CHEK2: variants seen among roughly 807,000 people sequenced by gnomAD.
CHEK2 encodes serine/threonine-protein kinase Chk2.
In CHEK2, 71 loss-of-function variants were observed where a neutral mutation model predicts 69.1. The observed-to-expected ratio is 1.03, with a 90% CI of 0.85 to 1.25. CHEK2 has a LOEUF of 1.25. Among genes scored for constraint, CHEK2 ranks in the 50% most tolerant of loss-of-function variants. CHEK2 has a pLI of 0.00. For missense variants in CHEK2, 664 were observed against 649.6 expected, an observed-to-expected ratio of 1.02 and a Z score of -0.24; for synonymous variants, 189 against 226.9, an observed-to-expected ratio of 0.83 and a Z score of 1.50.
At position 28,741,806 on chromosome 22, in the gene CHEK2, C is replaced by G. The variant is rs886057330; in HGVS notation, c.-44G>C. The G allele has an allele frequency of 1.9e-5, 10 of 519,990 alleles. No individual in the cohort carries two copies. The highest frequency in any genetic ancestry group is 1.9e-4 in the African/African-American group (10 of 52,304). The allele number at this position is 519,990 out of a possible 1,614,324, so 32.2% of individuals were successfully genotyped here. Reference sequence around the variant, plus strand: ...CCTGGAGCCGCACACTCTCCGCAGCCTCAGCCAGCAGAGTGGCGCTAAACC... The same window carrying G: ...CCTGGAGCCGCACACTCTCCGCAGCGTCAGCCAGCAGAGTGGCGCTAAACC... On this transcript the variant is annotated 5_prime_UTR_variant, in exon 1 of 15. Coordinates refer to ENST00000404276, the MANE Select transcript of CHEK2 (RefSeq NM_007194.4).
At position 28,695,602 on chromosome 22, in the gene CHEK2, G is replaced by A. The variant is rs555437811; in HGVS notation, c.1259+108C>T. On this transcript the variant is annotated intron_variant, in intron 11 of 14. Transcript: ENST00000404276. Reference sequence around the variant, plus strand: ...ACCCAGGAGGCAGAGGCTACAGTTAGCCAAGATCAAGCCACTGCATGCCAG... The same window carrying A: ...ACCCAGGAGGCAGAGGCTACAGTTAACCAAGATCAAGCCACTGCATGCCAG... 16 of 918,124 alleles carry A rather than the reference G, an allele frequency of 1.7e-5. No individual in the cohort carries two copies. In the South Asian group the frequency reaches 2.1e-4, roughly 12 times the overall value. The allele number at this position is 918,124 out of a possible 1,614,324, so 56.9% of individuals were successfully genotyped here.
intron 7 of CHEK2, among the ~76,000 whole-genome samples, chr22:28,705,827 G>A (rs1054209467): frequency 2.0e-5 from 3 of 151,990 alleles, no homozygotes; most frequent in Non-Finnish European, 4.4e-5. Context: ...TTGGGAGGCT[G>A]AGACAGGAGA....
At chr22:28,734,273 T>G (rs2054304400) in intron 2 of CHEK2, 130 bp downstream of exon 2, 2 of 800,436 alleles carry the variant, frequency 2.5e-6, no homozygotes, top group Non-Finnish European at 4.2e-6. Context: ...TGTTCATGCA[T>G]GATGTTCAAT....
chr22:28,723,938 AAAAG>A (rs1217214900), intron 4 of CHEK2, among the ~76,000 whole-genome samples: 17 of 152,182 alleles, frequency 1.1e-4, no homozygotes, highest in East Asian at 3.9e-4. Flanking sequence ...CATGTCTCGA[AAAAG>A]AAAGAAAGAA....
intron 2 of CHEK2, chr22:28,730,559 T>C (rs1295211228): frequency 1.5e-5 from 10 of 686,894 alleles, no homozygotes; most frequent in Non-Finnish European, 2.1e-5. Flanking sequence ...CTACAAAAAA[T>C]AAAAATAAAA....
At chr22:28,691,150 CAG>C (rs1435403955) in intron 13 of CHEK2, among the ~76,000 whole-genome samples, 1 of 152,024 alleles carries the variant, frequency 6.6e-6, no homozygotes, top group African/African-American at 2.4e-5. Context: ...TGAAGCCAAA[CAG>C]AGTGGTCACA....
intron 7 of CHEK2, among the ~76,000 whole-genome samples, chr22:28,706,156 C>T (rs1176189906): frequency 6.6e-6 from 1 of 151,854 alleles, no homozygotes; most frequent in Admixed American, 6.6e-5. Flanking sequence ...TCTGAATTAG[C>T]TGAGTGTGGT....
Position 28,717,885 on chromosome 22 carries a change from G to A in CHEK2, c.683+1510C>T, listed in dbSNP as rs550504769. On this transcript the variant is annotated intron_variant, in intron 5 of 14. Coordinates refer to ENST00000404276, the MANE Select transcript of CHEK2 (RefSeq NM_007194.4). Reference sequence around the variant, plus strand: ...AACAAGAGACCACACCATTGCCTGGGCAACAAGAACAAAACTCCATCTCAA... The same window carrying A: ...AACAAGAGACCACACCATTGCCTGGACAACAAGAACAAAACTCCATCTCAA... 4.6e-5 allele frequency among the ~76,000 whole-genome samples: 7 copies of A among 152,036 alleles called. No homozygotes were observed. In the East Asian group the frequency reaches 1.2e-3, roughly 25 times the overall value.
intron 9 of CHEK2, among the ~76,000 whole-genome samples, chr22:28,697,801 C>G (rs1306012882): frequency 6.6e-6 from 1 of 152,074 alleles, no homozygotes; most frequent in Admixed American, 6.6e-5. Flanking sequence ...GTCTGGAACT[C>G]TTGGGCTAAA....
intron 13 of CHEK2, among the ~76,000 whole-genome samples, chr22:28,690,957 G>A (rs866337690): frequency 6.6e-6 from 1 of 151,980 alleles, no homozygotes. Flanking sequence ...CACTTTGGGA[G>A]GCCAAGGCAG....
At chr22:28,695,944 T>G in intron 10 of CHEK2, 71 bp from the exon 11 acceptor site, 1 of 1,259,026 alleles carries the variant, frequency 7.9e-7, no homozygotes, top group Non-Finnish European at 1.2e-6. Flanking sequence ...AGTCTGCCAG[T>G]CCAAGAAGAC....
chr22:28,710,884 C>T (rs1270784578), intron 6 of CHEK2, among the ~76,000 whole-genome samples: 3 of 152,108 alleles, frequency 2.0e-5, no homozygotes, highest in Non-Finnish European at 4.4e-5. Flanking sequence ...GAAATCAAAA[C>T]GTAAAATTTT....
At chr22:28,693,517 A>G (rs2052443927) in intron 13 of CHEK2, among the ~76,000 whole-genome samples, 1 of 152,182 alleles carries the variant, frequency 6.6e-6, no homozygotes, top group Admixed American at 6.5e-5. Flanking sequence ...TATGAAGAGC[A>G]GTGGACATGG....
chr22:28,722,457 G>T (rs1851949550), intron 4 of CHEK2, among the ~76,000 whole-genome samples: 1 of 149,598 alleles, frequency 6.7e-6, no homozygotes, highest in South Asian at 2.1e-4. Flanking sequence ...GGAGAATGGC[G>T]TGAACCCAGG....
chr22:28,701,744 C>T (rs775013655), intron 8 of CHEK2, among the ~76,000 whole-genome samples: 3 of 152,152 alleles, frequency 2.0e-5, no homozygotes, highest in Non-Finnish European at 2.9e-5. Flanking sequence ...GAAAGATACT[C>T]AGGTGCCACC....
At chr22:28,730,683 C>T (rs559916886) in intron 2 of CHEK2, 2 of 410,466 alleles carry the variant, frequency 4.9e-6, no homozygotes, top group East Asian at 7.7e-5. Flanking sequence ...CATGGTGAAA[C>T]CCCATCTCTA....
At chr22:28,695,926 A>G in intron 10 of CHEK2, 53 bp from the exon 11 acceptor site, 2 of 1,437,196 alleles carry the variant, frequency 1.4e-6, no homozygotes, top group African/African-American at 1.4e-5. Flanking sequence ...AAATAAAAAG[A>G]TTAACATAGT....
chr22:28,712,392 A>T (rs1182403050), intron 5 of CHEK2: 2 of 294,034 alleles, frequency 6.8e-6, no homozygotes, highest in Non-Finnish European at 1.3e-5. Context: ...CCCAAAACAA[A>T]CAAATAACGG....
intron 8 of CHEK2, 85 bp downstream of exon 8, chr22:28,703,420 G>T (rs888380368): frequency 3.8e-6 from 3 of 791,950 alleles, no homozygotes; most frequent in African/African-American, 3.5e-5. Context: ...CCCAGGATGA[G>T]AAAGGCAAGC....
Sources: gnomAD v4.1 joint callset for allele counts (sites outside exome capture counted in the v4.1 genomes callset) on GRCh38, gnomAD v4.1.1 for gene constraint, MANE v1.5 for transcripts, NCBI Gene and HGNC (gene_info 2026-07-23, HGNC 2026-07-21) for gene names.